The following CDH13 variants were observed in gnomAD, a reference collection of about 807,000 sequenced individuals.
CDH13 encodes cadherin 13.
CDH13 carries 24 observed loss-of-function variants against 63.8 expected under a neutral mutation model. The ratio of observed to expected loss-of-function variants is 0.38; its 90% CI spans 0.27 to 0.53. CDH13 has a LOEUF of 0.53. Among genes scored for constraint, CDH13 ranks in the 20% least tolerant of loss-of-function variants. The pLI is 0.85. For synonymous variants in CDH13, 503 were observed against 355.3 expected, an observed-to-expected ratio of 1.42 and a Z score of -4.67; for missense variants, 1,049 against 903.1, an observed-to-expected ratio of 1.16 and a Z score of -2.07.
chr16:83,615,951 G>A (rs1388660096), intron 8 of CDH13, among the ~76,000 whole-genome samples: 1 of 152,156 alleles, frequency 6.6e-6, no homozygotes, highest in East Asian at 1.9e-4. Context: ...ACCATAGGAA[G>A]ACACGAAATC....
At chr16:83,171,674 G>C (rs900496857) in intron 4 of CDH13, 3 of 938,432 alleles carry the variant, frequency 3.2e-6, no homozygotes, top group Non-Finnish European at 5.0e-6. Flanking sequence ...ACTGCAAATA[G>C]CATGCTCTTT....
intron 2 of CDH13, among the ~76,000 whole-genome samples, chr16:82,912,643 T>C (rs9924636): frequency 0.017 from 2,639 of 152,296 alleles, 75 homozygotes; most frequent in African/African-American, 0.061. Flanking sequence ...TGTTATTGCA[T>C]TGAAAGAGAG....
intron 1 of CDH13, among the ~76,000 whole-genome samples, chr16:82,672,526 A>G (rs1376312015): frequency 6.6e-6 from 1 of 152,038 alleles, no homozygotes; most frequent in Non-Finnish European, 1.5e-5. Context: ...CGAAACGTCC[A>G]GTATCATTCT....
chr16:82,904,319 A>C (rs564159970), intron 2 of CDH13, among the ~76,000 whole-genome samples: 4 of 152,316 alleles, frequency 2.6e-5, no homozygotes, highest in East Asian at 3.9e-4. Flanking sequence ...AGGCTTTGGC[A>C]TCCAAATCCA....
chr16:83,205,410 C>T (rs1407324059), intron 4 of CDH13, among the ~76,000 whole-genome samples: 1 of 152,136 alleles, frequency 6.6e-6, no homozygotes, highest in Non-Finnish European at 1.5e-5. Context: ...TCCTCCTCCT[C>T]CAATCTGCTG....
chr16:82,814,083 A>G (rs1236275678), intron 1 of CDH13, among the ~76,000 whole-genome samples: 1 of 152,154 alleles, frequency 6.6e-6, no homozygotes, highest in Non-Finnish European at 1.5e-5. Context: ...GAGAGTGGAT[A>G]TACCAAAGTG....
chr16:83,586,014 A>G (rs1906120804), intron 7 of CDH13, among the ~76,000 whole-genome samples: 1 of 152,216 alleles, frequency 6.6e-6, no homozygotes, highest in Non-Finnish European at 1.5e-5. Context: ...AACCACAGCA[A>G]CTTCACAGGG....
intron 5 of CDH13, among the ~76,000 whole-genome samples, chr16:83,251,137 C>G (rs1905477711): frequency 6.6e-6 from 1 of 151,696 alleles, no homozygotes; most frequent in African/African-American, 2.4e-5. Context: ...TGATTGTATC[C>G]TAGTTGGGAA....
chr16:82,848,828 C>G (rs917520181), intron 1 of CDH13, among the ~76,000 whole-genome samples: 5 of 152,138 alleles, frequency 3.3e-5, no homozygotes, highest in African/African-American at 9.7e-5. Flanking sequence ...TTAAATCAAA[C>G]CTAGAAATGA....
intron 5 of CDH13, among the ~76,000 whole-genome samples, chr16:83,253,903 T>C (rs1905895107): frequency 6.6e-6 from 1 of 152,122 alleles, no homozygotes; most frequent in South Asian, 2.1e-4. Flanking sequence ...CACACAAATA[T>C]ACATAGGACG....
chr16:83,045,020 T>C (rs1320731154), intron 3 of CDH13, among the ~76,000 whole-genome samples: 1 of 152,190 alleles, frequency 6.6e-6, no homozygotes, highest in African/African-American at 2.4e-5. Context: ...AATGTAAATA[T>C]AGGGATGATA....
At position 82,742,046 on chromosome 16, in the gene CDH13, C is replaced by T. The variant is rs114041912; in HGVS notation, c.45+114909C>T. On this transcript the variant is annotated intron_variant, in intron 1 of 13. Coordinates refer to ENST00000567109, the MANE Select transcript of CDH13 (RefSeq NM_001257.5). ...ACTCTAAATTTCTTACAATATCAGC[C>T]CGGTTATATAAAATCATGGTGTAGA... Among the ~76,000 whole-genome samples the T allele has an allele frequency of 8.5e-3, 1,285 of 152,038 alleles. 24 individuals are homozygous for T. The highest frequency in any genetic ancestry group is 0.03 in the African/African-American group (1,227 of 41,462).
intron 1 of CDH13, among the ~76,000 whole-genome samples, chr16:82,790,693 GA>G (rs2036256787): frequency 2.0e-5 from 3 of 152,288 alleles, no homozygotes; most frequent in Middle Eastern, 3.4e-3. Context: ...AAGGCCTCAG[GA>G]AACTTACAAT....
At chr16:83,259,488 C>G (rs1016120109) in intron 5 of CDH13, among the ~76,000 whole-genome samples, 1 of 151,976 alleles carries the variant, frequency 6.6e-6, no homozygotes, top group Non-Finnish European at 1.5e-5. Context: ...TCTCGACGTT[C>G]GTTTTTAAGT....
intron 5 of CDH13, among the ~76,000 whole-genome samples, chr16:83,337,700 G>C (rs1202442069): frequency 7.5e-6 from 1 of 133,068 alleles, no homozygotes; most frequent in African/African-American, 2.9e-5. Flanking sequence ...TGGTAGCTAG[G>C]CTGATACTAT....
chr16:83,606,190 C>T (rs1353902325), intron 8 of CDH13, among the ~76,000 whole-genome samples: 2 of 152,188 alleles, frequency 1.3e-5, no homozygotes, highest in Admixed American at 6.5e-5. Flanking sequence ...GTCCAGAAAG[C>T]TCTCTAAGGA....
chr16:83,421,091 T>C (rs1434003223), intron 6 of CDH13, among the ~76,000 whole-genome samples: 8 of 152,072 alleles, frequency 5.3e-5, no homozygotes, highest in Admixed American at 5.2e-4. Flanking sequence ...TAAGGGATAA[T>C]GTGAAGGGAG....
chr16:82,993,016 G>T (rs1380092725), intron 2 of CDH13, among the ~76,000 whole-genome samples: 1 of 152,108 alleles, frequency 6.6e-6, no homozygotes, highest in Admixed American at 6.6e-5. Flanking sequence ...CTTAAACAGG[G>T]CTTCCATTGG....
intron 4 of CDH13, among the ~76,000 whole-genome samples, chr16:83,212,225 G>C (rs575796035): frequency 4.5e-4 from 68 of 152,194 alleles, no homozygotes; most frequent in African/African-American, 1.6e-3. Flanking sequence ...GCATGGCTGA[G>C]TGTATCCTTG....
Sources: allele counts gnomAD v4.1 joint callset (sites outside exome capture counted in the v4.1 genomes callset), GRCh38; gene constraint gnomAD v4.1.1; transcripts MANE v1.5; gene names NCBI Gene and HGNC (gene_info 2026-07-23, HGNC 2026-07-21).